The following CNTLN variants were observed in gnomAD, a reference collection of about 807,000 sequenced individuals.
CNTLN encodes centlein, centrosomal protein.
In CNTLN, 212 loss-of-function variants were observed where a neutral mutation model predicts 180.0. That is an observed-to-expected ratio of 1.18 (90% confidence interval 1.05 to 1.32). CNTLN has a LOEUF of 1.32. Among genes scored for constraint, CNTLN ranks in the 40% most tolerant of loss-of-function variants. The pLI is 0.00. For synonymous variants in CNTLN, 722 were observed against 563.1 expected (o/e 1.28, Z -3.99); for missense variants, 2,095 against 1,610.9 (o/e 1.30, Z -5.14).
chr9:17,418,970 A>G (rs1304595975), intron 18 of CNTLN, among the ~76,000 whole-genome samples: 1 of 152,080 alleles, frequency 6.6e-6, no homozygotes, highest in African/African-American at 2.4e-5. Context: ...GTTTTAAACC[A>G]TTGTAGAATT....
chr9:17,301,187 A>G, intron 7 of CNTLN: 1 of 985,420 alleles, frequency 1.0e-6, no homozygotes, highest in Non-Finnish European at 1.2e-6. Context: ...TTCAAACCAG[A>G]AATTCCCTAG....
chr9:17,510,849 T>C, the CNTLN span, among the ~76,000 whole-genome samples: 2 of 152,342 alleles, frequency 1.3e-5, no homozygotes, highest in East Asian at 3.9e-4. Context: ...AAGTACAGGT[T>C]TTTGTATGAA....
Position 17,415,808 on chromosome 9 carries a change from T to A in CNTLN, c.2817T>A (p.Asn939Lys), listed in dbSNP as rs760938443. ...KTPKDYFHDK[N>K]AKKPTFQKKN... Reference sequence around the variant, plus strand: ...TTTAGGACTATTTTCATGATAAGAATGCCAAAAAACCAACTTTTCAAAAGA... The same window carrying A: ...TTTAGGACTATTTTCATGATAAGAAAGCCAAAAAACCAACTTTTCAAAAGA... Residue 939 changes from asparagine to lysine, a missense_variant, in exon 17 of 26, where the codon AAT (asparagine) becomes AAA (lysine). Transcript: ENST00000380647. 6.2e-7 allele frequency: 1 copy of A among 1,609,516 alleles called. No individual in the cohort carries two copies. The highest frequency in any genetic ancestry group is 1.1e-5 in the South Asian group (1 of 90,664).
intron 2 of CNTLN, among the ~76,000 whole-genome samples, chr9:17,194,650 C>G (rs751965304): frequency 3.7e-4 from 57 of 152,302 alleles, no homozygotes; most frequent in Admixed American, 1.2e-3. Context: ...ATTTTCCTGT[C>G]TTCTTCTGAG....
intron 13 of CNTLN, among the ~76,000 whole-genome samples, chr9:17,378,142 T>C (rs1034611417): frequency 2.6e-5 from 4 of 152,188 alleles, no homozygotes; most frequent in African/African-American, 9.6e-5. Context: ...CTCAAGACTT[T>C]CCTTCATCAG....
intron 2 of CNTLN, among the ~76,000 whole-genome samples, chr9:17,174,698 G>GAAAA (rs34784210): frequency 8.0e-6 from 1 of 124,452 alleles, no homozygotes; most frequent in African/African-American, 2.9e-5. Context: ...TCCGTCTCAG[G>GAAAA]AAAAAAAAAA....
intron 3 of CNTLN, among the ~76,000 whole-genome samples, chr9:17,227,513 GTAAA>G (rs1824548688): frequency 6.6e-6 from 1 of 151,932 alleles, no homozygotes; most frequent in South Asian, 2.1e-4. Flanking sequence ...TCATTACGGA[GTAAA>G]TAAATTATAA....
intron 19 of CNTLN, among the ~76,000 whole-genome samples, chr9:17,460,434 A>G (rs1280314384): frequency 1.3e-5 from 2 of 151,766 alleles, no homozygotes; most frequent in African/African-American, 4.8e-5. Flanking sequence ...GTTATGTTAC[A>G]GATATATATT....
At chr9:17,136,785 G>C (rs1405971312) in intron 1 of CNTLN, among the ~76,000 whole-genome samples, 1 of 152,060 alleles carries the variant, frequency 6.6e-6, no homozygotes. Flanking sequence ...TCTGTTCTTC[G>C]TTGGATAAGG....
intron 23 of CNTLN, among the ~76,000 whole-genome samples, chr9:17,479,568 C>T (rs1037905714): frequency 2.0e-5 from 3 of 151,900 alleles, no homozygotes; most frequent in Non-Finnish European, 2.9e-5. Flanking sequence ...AATTAATAGG[C>T]GTAAAGTTTC....
At chr9:17,207,529 G>T (rs1165139667) in intron 2 of CNTLN, among the ~76,000 whole-genome samples, 2 of 152,282 alleles carry the variant, frequency 1.3e-5, no homozygotes, top group East Asian at 3.9e-4. Flanking sequence ...CAAAAACCGT[G>T]GGAAAATTGT....
chr9:17,194,969 T>C (rs1822033604), intron 2 of CNTLN, among the ~76,000 whole-genome samples: 1 of 152,126 alleles, frequency 6.6e-6, no homozygotes. Context: ...GTGAGACTTA[T>C]TCACTACCAT....
chr9:17,278,495 A>T (rs1346678767), intron 6 of CNTLN, among the ~76,000 whole-genome samples: 1 of 152,100 alleles, frequency 6.6e-6, no homozygotes, highest in South Asian at 2.1e-4. Context: ...GTCTTTCCTC[A>T]AACAGATTTT....
chr9:17,507,714 G>C (rs1205883903), downstream of CNTLN, among the ~76,000 whole-genome samples: 1 of 152,014 alleles, frequency 6.6e-6, no homozygotes, highest in Non-Finnish European at 1.5e-5. Context: ...AAAAAGCTTC[G>C]ACTTTTAATT....
the CNTLN span, among the ~76,000 whole-genome samples, chr9:17,512,804 G>T: frequency 6.6e-6 from 1 of 152,096 alleles, no homozygotes; most frequent in Non-Finnish European, 1.5e-5. Context: ...GACTTTTATA[G>T]TCTATCATTT....
At chr9:17,181,469 A>T (rs1041329896) in intron 2 of CNTLN, among the ~76,000 whole-genome samples, 1 of 152,168 alleles carries the variant, frequency 6.6e-6, no homozygotes, top group Admixed American at 6.5e-5. Context: ...AAGCATTTTC[A>T]TTATGGCTGT....
intron 2 of CNTLN, chr9:17,167,090 G>T (rs1820122718): frequency 5.0e-6 from 1 of 198,802 alleles, no homozygotes; most frequent in Non-Finnish European, 1.1e-5. Context: ...TTTTAGAAAG[G>T]ATTAGTGATA....
intron 2 of CNTLN, among the ~76,000 whole-genome samples, chr9:17,211,408 G>T (rs1191780697): frequency 1.3e-5 from 2 of 151,076 alleles, no homozygotes; most frequent in Admixed American, 1.3e-4. Flanking sequence ...CCGTTCCATT[G>T]GTGATATCTC....
At chr9:17,357,295 TTTTA>T (rs1483203863) in intron 12 of CNTLN, among the ~76,000 whole-genome samples, 1 of 151,964 alleles carries the variant, frequency 6.6e-6, no homozygotes, top group Non-Finnish European at 1.5e-5. Context: ...CTTTTATATT[TTTTA>T]GTTGTATTCT....
Sources: allele counts gnomAD v4.1 joint callset (sites outside exome capture counted in the v4.1 genomes callset), GRCh38; gene constraint gnomAD v4.1.1; transcripts MANE v1.5; gene names NCBI Gene and HGNC (gene_info 2026-07-23, HGNC 2026-07-21).